CSTPP1: variants seen among roughly 807,000 people sequenced by gnomAD.
The protein encoded by CSTPP1 is centriolar satellite-associated tubulin polyglutamylase complex regulator 1, also known as UPF0705 protein C11orf49.
chr11:47,154,886 TC>T, the CSTPP1 span: 1 of 498,826 alleles, frequency 2.0e-6, no homozygotes, highest in Non-Finnish European at 3.6e-6. Flanking sequence ...CCATGCTCCA[TC>T]CGCTAGCTGG....
At chr11:47,131,049 A>G in the CSTPP1 span, among the ~76,000 whole-genome samples, 1 of 152,092 alleles carries the variant, frequency 6.6e-6, no homozygotes, top group Non-Finnish European at 1.5e-5. Context: ...GCACTAGCTC[A>G]CTCAACCAAC....
At chr11:46,948,260 C>T in the CSTPP1 span, 1 of 420,354 alleles carries the variant, frequency 2.4e-6, no homozygotes, top group African/African-American at 2.1e-5. Context: ...TTCTTTCCAA[C>T]TTTGCCTCTT....
the CSTPP1 span, among the ~76,000 whole-genome samples, chr11:47,075,948 A>G: frequency 6.6e-6 from 1 of 150,950 alleles, no homozygotes; most frequent in Non-Finnish European, 1.5e-5. Context: ...AAAAAAAAAA[A>G]AAAAGAATTG....
the CSTPP1 span, among the ~76,000 whole-genome samples, chr11:46,939,678 A>C: frequency 6.9e-6 from 1 of 144,370 alleles, no homozygotes; most frequent in African/African-American, 2.5e-5. Context: ...ATAGATAGGT[A>C]GATGTTTTTA....
chr11:46,941,728 A>G, the CSTPP1 span, among the ~76,000 whole-genome samples: 4 of 152,218 alleles, frequency 2.6e-5, no homozygotes, highest in Admixed American at 1.3e-4. Context: ...ATTTTTAAAT[A>G]CCTGTGATTT....
the CSTPP1 span, among the ~76,000 whole-genome samples, chr11:47,036,173 T>C: frequency 1.8e-5 from 1 of 54,644 alleles, no homozygotes; most frequent in African/African-American, 6.2e-5. Context: ...CATATTATAA[T>C]ATATAAATAT....
At chr11:47,119,907 G>A in the CSTPP1 span, among the ~76,000 whole-genome samples, 6 of 152,128 alleles carry the variant, frequency 3.9e-5, no homozygotes, top group African/African-American at 7.2e-5. Flanking sequence ...CACCATGCCC[G>A]GCCTTATCCC....
At chr11:46,966,069 A>G in the CSTPP1 span, among the ~76,000 whole-genome samples, 1 of 152,104 alleles carries the variant, frequency 6.6e-6, no homozygotes, top group South Asian at 2.1e-4. Context: ...TTTGAGATGG[A>G]ATCTTGCTGT....
the CSTPP1 span, among the ~76,000 whole-genome samples, chr11:46,953,688 G>A: frequency 6.6e-6 from 1 of 152,108 alleles, no homozygotes; most frequent in African/African-American, 2.4e-5. Flanking sequence ...ATTATTACAT[G>A]TAATATTGAC....
chr11:47,036,078 TTA>T, the CSTPP1 span, among the ~76,000 whole-genome samples: 7 of 17,218 alleles, frequency 4.1e-4, 3 homozygotes, highest in Non-Finnish European at 8.6e-4. Context: ...AATATATAAA[TTA>T]TATATATTAT....
the CSTPP1 span, among the ~76,000 whole-genome samples, chr11:46,993,368 T>C: frequency 3.2e-4 from 48 of 151,866 alleles, no homozygotes; most frequent in Admixed American, 7.2e-4. Context: ...CTTTTCTTTT[T>C]TTTTTTGCCT....
the CSTPP1 span, among the ~76,000 whole-genome samples, chr11:46,945,607 T>C: frequency 6.6e-6 from 1 of 152,092 alleles, no homozygotes; most frequent in Non-Finnish European, 1.5e-5. Flanking sequence ...AGAGCAAGAC[T>C]CTGTCTCAAA....
chr11:46,997,997 A>T, the CSTPP1 span, among the ~76,000 whole-genome samples: 1 of 152,040 alleles, frequency 6.6e-6, no homozygotes, highest in African/African-American at 2.4e-5. Flanking sequence ...CAGTTAGGCT[A>T]CTCGGGGGTC....
the CSTPP1 span, among the ~76,000 whole-genome samples, chr11:47,098,317 T>A: frequency 7.5e-5 from 11 of 146,736 alleles, no homozygotes; most frequent in East Asian, 5.9e-4. Flanking sequence ...AAAATAAATT[T>A]AAAAAAAAAA....
At chr11:46,961,083 T>C in the CSTPP1 span, among the ~76,000 whole-genome samples, 2 of 152,220 alleles carry the variant, frequency 1.3e-5, no homozygotes, top group Non-Finnish European at 2.9e-5. Flanking sequence ...CTTTTAAGCA[T>C]ATACCTAGGC....
At chr11:46,998,851 T>C in the CSTPP1 span, among the ~76,000 whole-genome samples, 1 of 152,184 alleles carries the variant, frequency 6.6e-6, no homozygotes, top group African/African-American at 2.4e-5. Flanking sequence ...TTCTCCCGCC[T>C]CAGCCTCCCG....
chr11:47,139,022 G>A, the CSTPP1 span, among the ~76,000 whole-genome samples: 2 of 146,294 alleles, frequency 1.4e-5, no homozygotes, highest in East Asian at 4.1e-4. Context: ...ACCTGAGCTA[G>A]GGTTGCAAAT....
chr11:46,994,725 G>A, the CSTPP1 span, among the ~76,000 whole-genome samples: 2 of 152,184 alleles, frequency 1.3e-5, no homozygotes. Flanking sequence ...AGGGATATTG[G>A]TCTAAAATTC....
chr11:47,137,777 T>G, the CSTPP1 span: 1 of 1,566,240 alleles, frequency 6.4e-7, no homozygotes, highest in Non-Finnish European at 8.8e-7. Flanking sequence ...TGTGGGCCAC[T>G]GCTTCCTAGA....
Sources: allele counts gnomAD v4.1 joint callset (sites outside exome capture counted in the v4.1 genomes callset), GRCh38; gene constraint gnomAD v4.1.1; transcripts MANE v1.5; gene names NCBI Gene and HGNC (gene_info 2026-07-23, HGNC 2026-07-21).